The following RGS17 variants were observed in gnomAD, a reference collection of about 807,000 sequenced individuals.
RGS17 encodes the protein regulator of G protein signaling 17, also known as regulator of G-protein signaling 17.
RGS17 carries 12 observed loss-of-function variants against 25.5 expected under a neutral mutation model. The ratio of observed to expected loss-of-function variants is 0.47; its 90% CI spans 0.30 to 0.76. RGS17 has a LOEUF of 0.76. RGS17 is among the 30% of genes least tolerant of loss of function. The pLI is 0.07. For missense variants in RGS17, 196 were observed against 242.2 expected, an observed-to-expected ratio of 0.81 and a Z score of 1.27; for synonymous variants, 71 against 76.9, an observed-to-expected ratio of 0.92 and a Z score of 0.40.
At chr6:153,116,384 C>T (rs905707560) in intron 1 of RGS17, among the ~76,000 whole-genome samples, 6 of 152,106 alleles carry the variant, frequency 3.9e-5, no homozygotes, top group African/African-American at 9.7e-5. Context: ...TACCATTTCA[C>T]GCCAGTTAGA....
intron 1 of RGS17, among the ~76,000 whole-genome samples, chr6:153,112,938 G>T (rs1027622863): frequency 6.6e-6 from 1 of 152,100 alleles, no homozygotes; most frequent in African/African-American, 2.4e-5. Context: ...AATATGGGAA[G>T]GAAAAACCAG....
At chr6:153,101,728 T>C (rs1777305239) in intron 1 of RGS17, among the ~76,000 whole-genome samples, 1 of 152,100 alleles carries the variant, frequency 6.6e-6, no homozygotes, top group African/African-American at 2.4e-5. Flanking sequence ...TTGCTGTTCT[T>C]GTGATAGTGA....
At chr6:153,122,996 A>AGTATTTAATACTCCAAT (rs1643914799) in intron 1 of RGS17, among the ~76,000 whole-genome samples, 1 of 107,332 alleles carries the variant, frequency 9.3e-6, no homozygotes, top group African/African-American at 3.7e-5. Context: ...AGTACATTGG[A>AGTATTTAATACTCCAAT]GTACATCAGA....
At chr6:153,066,351 C>T (rs1776707951) in intron 1 of RGS17, among the ~76,000 whole-genome samples, 1 of 152,032 alleles carries the variant, frequency 6.6e-6, no homozygotes, top group African/African-American at 2.4e-5. Context: ...AGATCAAAGT[C>T]ATAATAAAAA....
intron 2 of RGS17, among the ~76,000 whole-genome samples, chr6:153,028,031 C>T (rs148496027): frequency 3.3e-5 from 5 of 152,082 alleles, no homozygotes; most frequent in Admixed American, 6.5e-5. Flanking sequence ...TTCTGACAAG[C>T]GGGCCCATCT....
chr6:153,025,663 TATATATATAAAC>T (rs943489710), intron 3 of RGS17, among the ~76,000 whole-genome samples: 21 of 118,940 alleles, frequency 1.8e-4, no homozygotes, highest in Admixed American at 4.1e-4. Flanking sequence ...TATAAAAACA[TATATATATAAAC>T]ATATATATAA....
At chr6:153,102,569 C>A (rs528139064) in intron 1 of RGS17, among the ~76,000 whole-genome samples, 20 of 152,126 alleles carry the variant, frequency 1.3e-4, no homozygotes, top group Non-Finnish European at 2.4e-4. Context: ...GCAGCTTCCC[C>A]CATGCCGTTC....
intron 1 of RGS17, among the ~76,000 whole-genome samples, chr6:153,060,109 T>C (rs760719893): frequency 1.1e-3 from 155 of 142,436 alleles, no homozygotes; most frequent in Non-Finnish European, 1.7e-3. Flanking sequence ...CTAGGCATTG[T>C]GATTGGTGTG....
intron 1 of RGS17, among the ~76,000 whole-genome samples, chr6:153,108,366 A>T (rs1311745035): frequency 6.6e-6 from 1 of 152,184 alleles, no homozygotes; most frequent in Admixed American, 6.5e-5. Context: ...CTAAATTCTC[A>T]GAAATGTACC....
intron 4 of RGS17, among the ~76,000 whole-genome samples, chr6:153,016,008 G>T (rs533147814): frequency 5.3e-5 from 8 of 152,214 alleles, no homozygotes; most frequent in South Asian, 4.1e-4. Flanking sequence ...CTTGTTTTGT[G>T]GTATTTGCTT....
chr6:153,048,056 C>T (rs1343502416), intron 1 of RGS17, among the ~76,000 whole-genome samples: 1 of 152,168 alleles, frequency 6.6e-6, no homozygotes, highest in Non-Finnish European at 1.5e-5. Context: ...CAGCTTTCTG[C>T]ACAAAATCCT....
At chr6:153,080,726 T>C (rs997895633) in intron 1 of RGS17, among the ~76,000 whole-genome samples, 8 of 152,114 alleles carry the variant, frequency 5.3e-5, no homozygotes, top group African/African-American at 1.4e-4. Flanking sequence ...ATAAGAAGCA[T>C]TGAATGCTGT....
Position 153,044,027 on chromosome 6 carries a change from C to T in RGS17, c.-9G>A. ...TGCTGCCTTTTTCGCATTTCAGCTA[C>T]TTCAGGACCCAGTTGGCTGAAAGAG... On this transcript the variant is annotated 5_prime_UTR_variant, in exon 2 of 5. Transcript: ENST00000206262. 1.3e-6 allele frequency: 2 copies of T among 1,568,116 alleles called. No individual in the cohort carries two copies. Among genetic ancestry groups the T allele is most frequent in the Non-Finnish European group, 8.8e-7 (1 of 1,140,394 alleles).
chr6:153,052,785 C>T (rs1468616576), intron 1 of RGS17, among the ~76,000 whole-genome samples: 2 of 152,072 alleles, frequency 1.3e-5, no homozygotes, highest in African/African-American at 4.8e-5. Context: ...TGTGTGTGTC[C>T]TCCTCAAACA....
At chr6:153,111,561 C>T (rs1039981237) in intron 1 of RGS17, among the ~76,000 whole-genome samples, 4 of 152,202 alleles carry the variant, frequency 2.6e-5, no homozygotes, top group Non-Finnish European at 4.4e-5. Context: ...AAGAGAGCAG[C>T]AGATCTTCCA....
intron 1 of RGS17, among the ~76,000 whole-genome samples, chr6:153,070,844 TATACAC>T (rs1443432691): frequency 6.6e-6 from 1 of 150,540 alleles, no homozygotes; most frequent in African/African-American, 2.4e-5. Flanking sequence ...TACATATACA[TATACAC>T]AATACATATA....
At chr6:153,078,259 G>A (rs1215546494) in intron 1 of RGS17, among the ~76,000 whole-genome samples, 1 of 152,044 alleles carries the variant, frequency 6.6e-6, no homozygotes, top group Non-Finnish European at 1.5e-5. Context: ...TGGATAGTCT[G>A]GATGCTTTGC....
At chr6:153,110,425 TACACACACACAC>T (rs149969105) in intron 1 of RGS17, among the ~76,000 whole-genome samples, 1 of 144,840 alleles carries the variant, frequency 6.9e-6, no homozygotes, top group Non-Finnish European at 1.5e-5. Flanking sequence ...ACTGCCAACA[TACACACACACAC>T]ACACACACAC....
intron 1 of RGS17, among the ~76,000 whole-genome samples, chr6:153,098,517 T>G (rs1025717543): frequency 2.0e-5 from 3 of 152,182 alleles, no homozygotes; most frequent in African/African-American, 7.2e-5. Flanking sequence ...TATATCATTA[T>G]TGTATCTTTC....
Sources: gnomAD v4.1 joint callset for allele counts (sites outside exome capture counted in the v4.1 genomes callset) on GRCh38, gnomAD v4.1.1 for gene constraint, MANE v1.5 for transcripts, NCBI Gene and HGNC (gene_info 2026-07-23, HGNC 2026-07-21) for gene names.